The following BRAP variants were observed in gnomAD, a reference collection of about 807,000 sequenced individuals.
The protein encoded by BRAP is BRCA1-associated protein.
A neutral mutation model predicts 73.4 loss-of-function variants in BRAP; 42 were observed. The observed-to-expected ratio is 0.57, with a 90% CI of 0.45 to 0.74. The LOEUF (loss-of-function observed/expected upper bound fraction) is 0.74, where lower values mean the gene tolerates loss of function less well. Ranked by LOEUF, BRAP falls within the 30% of genes least tolerant of loss-of-function variation. BRAP has a pLI of 0.00. For missense variants in BRAP, 593 were observed against 751.4 expected (o/e 0.79, Z 2.46); for synonymous variants, 255 against 267.4 (o/e 0.95, Z 0.45).
chr12:111,649,046 T>A (rs1213487472), intron 11 of BRAP, among the ~76,000 whole-genome samples: 1 of 152,178 alleles, frequency 6.6e-6, no homozygotes, highest in Non-Finnish European at 1.5e-5. Flanking sequence ...CGGTTTTTAC[T>A]TTGTATTCTT....
chr12:111,678,889 A>C (rs1457909508), intron 4 of BRAP, among the ~76,000 whole-genome samples: 2 of 151,808 alleles, frequency 1.3e-5, no homozygotes, highest in Non-Finnish European at 2.9e-5. Flanking sequence ...TGGGAGGCCA[A>C]GGCAGGAGGA....
At chr12:111,646,339 A>G (rs1315287074) in intron 11 of BRAP, among the ~76,000 whole-genome samples, 3 of 152,082 alleles carry the variant, frequency 2.0e-5, no homozygotes, top group Non-Finnish European at 4.4e-5. Context: ...CACGAACAAA[A>G]AAACCCCACT....
intron 5 of BRAP, chr12:111,670,011 G>A (rs1887108016): frequency 1.6e-6 from 1 of 644,100 alleles, no homozygotes; most frequent in Non-Finnish European, 3.0e-6. Flanking sequence ...TTTGCTTCTG[G>A]AGATTTCCTC....
At chr12:111,684,835 A>T (rs944672555) in intron 1 of BRAP, among the ~76,000 whole-genome samples, 20 of 151,990 alleles carry the variant, frequency 1.3e-4, no homozygotes, top group Non-Finnish European at 1.9e-4. Flanking sequence ...CGCCCAGCTA[A>T]TTTTTGTATT....
chr12:111,667,029 G>T (rs1050010460), intron 5 of BRAP, among the ~76,000 whole-genome samples: 2 of 152,154 alleles, frequency 1.3e-5, no homozygotes, highest in African/African-American at 2.4e-5. Flanking sequence ...TTTGGGTCAA[G>T]AAAAGAATAT....
intron 9 of BRAP, among the ~76,000 whole-genome samples, chr12:111,656,788 C>T (rs552390798): frequency 1.3e-5 from 2 of 152,114 alleles, no homozygotes; most frequent in South Asian, 4.1e-4. Context: ...GGTTGGAATG[C>T]AGTGGTGCAA....
At chr12:111,661,279 G>GTTT (rs144136043) in intron 6 of BRAP, among the ~76,000 whole-genome samples, 21 of 119,006 alleles carry the variant, frequency 1.8e-4, no homozygotes, top group African/African-American at 6.1e-4. Context: ...CTCCCAGCTT[G>GTTT]TTTTTTTTTT....
intron 4 of BRAP, among the ~76,000 whole-genome samples, chr12:111,678,455 G>A (rs531582108): frequency 3.3e-5 from 5 of 150,662 alleles, no homozygotes; most frequent in East Asian, 2.0e-4. Context: ...TCAGGAGTTC[G>A]AGACCAGCCT....
intron 7 of BRAP, 150 bp from the exon 8 acceptor site, chr12:111,659,495 A>C: frequency 1.6e-6 from 1 of 636,622 alleles, no homozygotes; most frequent in Non-Finnish European, 2.5e-6. Flanking sequence ...CTCTACTAAA[A>C]ATACAAATAT....
chr12:111,659,448 G>T, intron 7 of BRAP, 103 bp from the exon 8 acceptor site: 1 of 1,088,868 alleles, frequency 9.2e-7, no homozygotes, highest in Non-Finnish European at 1.3e-6. Context: ...GAGGTCAGGA[G>T]TTCGAGACCA....
rs768473216 is a variant in BRAP, at chr12:111,644,472, G to A, written c.1506C>T (p.Val502=). 3.1e-6 allele frequency: 5 copies of A among 1,613,996 alleles called. No homozygotes were observed. The Admixed American group carries it at 6.7e-5, about 22-fold the overall frequency. ...EMNKCLRANQ[V]LLQNKLKEEE... ...CCTCTTTTAGCTTGTTCTGCAGGAGGACTTGGTTGGCTCGCAAACACTTGT... is the reference window on the plus strand; with the variant it reads ...CCTCTTTTAGCTTGTTCTGCAGGAGAACTTGGTTGGCTCGCAAACACTTGT... The change falls in exon 12 of 12, where the codon GTC becomes GTT. Residue 502 remains valine, a synonymous_variant. Transcript: ENST00000419234.
intron 5 of BRAP, among the ~76,000 whole-genome samples, chr12:111,668,045 A>G (rs1335009537): frequency 1.3e-5 from 2 of 152,156 alleles, no homozygotes; most frequent in African/African-American, 2.4e-5. Flanking sequence ...CATCTCTACT[A>G]AGAACACAAA....
At chr12:111,676,038 T>TG (rs1887366495) in intron 4 of BRAP, among the ~76,000 whole-genome samples, 1 of 152,060 alleles carries the variant, frequency 6.6e-6, no homozygotes, top group Non-Finnish European at 1.5e-5. Context: ...CCTTTTTTTT[T>TG]GATCTTTTAA....
intron 6 of BRAP, among the ~76,000 whole-genome samples, chr12:111,661,301 CAG>C (rs967423458): frequency 2.2e-5 from 3 of 134,388 alleles, no homozygotes; most frequent in Non-Finnish European, 4.7e-5. Context: ...TTTTTTGAGA[CAG>C]AGTTTAGCTT....
intron 7 of BRAP, 31 bp downstream of exon 7, chr12:111,660,567 ATT>A: frequency 1.3e-6 from 2 of 1,560,496 alleles, no homozygotes; most frequent in Non-Finnish European, 1.7e-6. Flanking sequence ...TTAAAGCTGC[ATT>A]CTTTGTTCTT....
At chr12:111,649,033 G>A (rs971182998) in intron 11 of BRAP, among the ~76,000 whole-genome samples, 4 of 152,086 alleles carry the variant, frequency 2.6e-5, no homozygotes, top group Non-Finnish European at 5.9e-5. Flanking sequence ...AAAAAAACCC[G>A]TCCGGTTTTT....
Position 111,665,600 on chromosome 12 carries a change from A to C in BRAP, c.896+39T>G. Reference sequence around the variant, plus strand: ...TCTTTTTAATTCTGGAAGGGTTGCAATGGGCTTGTACACAGAGGGGTTCGG... The same window carrying C: ...TCTTTTTAATTCTGGAAGGGTTGCACTGGGCTTGTACACAGAGGGGTTCGG... On this transcript the variant is annotated intron_variant, in intron 6 of 11. Coordinates refer to ENST00000419234, the MANE Select transcript of BRAP (RefSeq NM_006768.5). This position sits in a 1 kb window ranked among gnomAD's most constrained non-coding sequence, Gnocchi z 4.3. The C allele has an allele frequency of 6.2e-7, 1 of 1,604,530 alleles. No individual in the cohort carries two copies.
chr12:111,679,451 T>A, intron 3 of BRAP, 111 bp from the exon 4 acceptor site: 2 of 741,260 alleles, frequency 2.7e-6, no homozygotes, highest in Non-Finnish European at 3.9e-6. Flanking sequence ...ATTGTAATAT[T>A]TCATTAATGA....
chr12:111,653,373 A>G (rs1296494060), intron 10 of BRAP, among the ~76,000 whole-genome samples: 1 of 152,230 alleles, frequency 6.6e-6, no homozygotes, highest in Non-Finnish European at 1.5e-5. Context: ...TCATTTTACA[A>G]TCCACAGCTG....
Sources: allele counts gnomAD v4.1 joint callset (sites outside exome capture counted in the v4.1 genomes callset), GRCh38; gene constraint gnomAD v4.1.1; non-coding constraint Gnocchi (gnomAD v3.1); transcripts MANE v1.5; gene names NCBI Gene and HGNC (gene_info 2026-07-23, HGNC 2026-07-21).